Variants in CLEC2A observed in about 807,000 individuals in gnomAD.
CLEC2A encodes the protein keratinocyte-associated C-type lectin.
CLEC2A carries 19 observed loss-of-function variants against 18.6 expected under a neutral mutation model. That is an observed-to-expected ratio of 1.02 (90% CI 0.71 to 1.50). The LOEUF (loss-of-function observed/expected upper bound fraction) is 1.50, where lower values mean the gene tolerates loss of function less well. Ranked by LOEUF, CLEC2A falls within the 40% of genes most tolerant of loss-of-function variation. The pLI is 0.00. For missense variants in CLEC2A, 190 were observed against 207.9 expected, an observed-to-expected ratio of 0.91 and a Z score of 0.53; for synonymous variants, 74 against 64.0, an observed-to-expected ratio of 1.16 and a Z score of -0.75.
At chr12:9,904,841 T>A (rs1862884401) in intron 4 of CLEC2A, among the ~76,000 whole-genome samples, 1 of 152,190 alleles carries the variant, frequency 6.6e-6, no homozygotes, top group Non-Finnish European at 1.5e-5. Flanking sequence ...TCCTTGCAAC[T>A]ACTTTGAAAA....
Position 9,922,215 on chromosome 12 carries a change from C to T in CLEC2A, c.157G>A (p.Ala53Thr). The T allele has an allele frequency of 1.3e-6, 2 of 1,535,462 alleles. No homozygotes were observed. The highest frequency in any genetic ancestry group is 1.3e-5 in the South Asian group (1 of 79,698). ...TCCCCTGAACATGCCACAGGTTTAG[C>T]ATGCTTGGACCATGTGGCTGAAAAA... ...IIMIATWSKH[A>T]KPVACSGDWL... The change falls in exon 3 of 5, where the codon GCT becomes ACT. Residue 53 changes from alanine (A) to threonine (T), a missense_variant. Ala to Thr is a moderately conservative substitution (Grantham distance 58). Transcript: ENST00000455827.
At chr12:9,885,346 T>C in the CLEC2A span, among the ~76,000 whole-genome samples, 1 of 151,712 alleles carries the variant, frequency 6.6e-6, no homozygotes, top group East Asian at 1.9e-4. Flanking sequence ...TATATATATA[T>C]ATATTAAGAC....
downstream of CLEC2A, among the ~76,000 whole-genome samples, chr12:9,912,179 G>C (rs1014082959): frequency 6.6e-6 from 1 of 152,208 alleles, no homozygotes; most frequent in African/African-American, 2.4e-5. Context: ...TTATTCTTAT[G>C]AAAGTGGATG....
chr12:9,888,309 T>G, the CLEC2A span, among the ~76,000 whole-genome samples: 1 of 151,312 alleles, frequency 6.6e-6, no homozygotes, highest in Non-Finnish European at 1.5e-5. Flanking sequence ...GCTAATATCA[T>G]GAAACCCCAT....
At chr12:9,885,850 A>G in the CLEC2A span, among the ~76,000 whole-genome samples, 1 of 152,074 alleles carries the variant, frequency 6.6e-6, no homozygotes, top group Non-Finnish European at 1.5e-5. Flanking sequence ...TTAAACGACT[A>G]TTTTTAGTCG....
intron 1 of CLEC2A, among the ~76,000 whole-genome samples, chr12:9,930,617 T>C (rs955327107): frequency 1.3e-5 from 2 of 152,056 alleles, no homozygotes; most frequent in Non-Finnish European, 2.9e-5. Context: ...GCCAGATGCA[T>C]GTTTTTTTCT....
chr12:9,928,285 G>A (rs1231809327), intron 1 of CLEC2A, among the ~76,000 whole-genome samples: 2 of 152,140 alleles, frequency 1.3e-5, no homozygotes, highest in Non-Finnish European at 2.9e-5. Context: ...GGCCAACATG[G>A]TGAGACCCCT....
intron 2 of CLEC2A, among the ~76,000 whole-genome samples, chr12:9,923,335 C>T (rs1220607999): frequency 6.6e-6 from 1 of 152,214 alleles, no homozygotes; most frequent in Non-Finnish European, 1.5e-5. Context: ...AAACGCTCAT[C>T]ATCACTGGCC....
At chr12:9,898,811 A>G in exon 5 of CLEC2A, 2 of 622,964 alleles carry the variant, frequency 3.2e-6, no homozygotes, top group South Asian at 3.6e-5. Context: ...AACTGCCGTT[A>G]TATTAAGGAT....
downstream of CLEC2A, among the ~76,000 whole-genome samples, chr12:9,898,347 A>G (rs994032539): frequency 6.6e-6 from 1 of 152,206 alleles, no homozygotes; most frequent in African/African-American, 2.4e-5. Flanking sequence ...GAAACTCATC[A>G]GATCACCACA....
downstream of CLEC2A, chr12:9,895,698 G>A (rs950059783): frequency 6.5e-7 from 1 of 1,531,760 alleles, no homozygotes; most frequent in African/African-American, 1.4e-5. Context: ...GGTTTTCAGT[G>A]ATTGGACCAA....
intron 1 of CLEC2A, among the ~76,000 whole-genome samples, chr12:9,928,360 G>T (rs73247994): frequency 6.6e-6 from 1 of 152,068 alleles, no homozygotes. Flanking sequence ...CCAGCTACTC[G>T]GGAGGTTGAG....
At chr12:9,882,823 C>T in the CLEC2A span, among the ~76,000 whole-genome samples, 3 of 152,082 alleles carry the variant, frequency 2.0e-5, no homozygotes, top group Admixed American at 6.6e-5. Flanking sequence ...AGCCCACAGA[C>T]TAAATGTATG....
At chr12:9,920,965 C>T (rs1295481862) in intron 3 of CLEC2A, among the ~76,000 whole-genome samples, 1 of 152,138 alleles carries the variant, frequency 6.6e-6, no homozygotes, top group Non-Finnish European at 1.5e-5. Context: ...TTAACGAAGA[C>T]ATTTAGATAC....
intron 1 of CLEC2A, among the ~76,000 whole-genome samples, chr12:9,929,924 G>A (rs879824819): frequency 6.6e-6 from 1 of 151,188 alleles, no homozygotes; most frequent in African/African-American, 2.4e-5. Flanking sequence ...TTACATTTTG[G>A]CATTTTATAT....
chr12:9,891,429 T>C, the CLEC2A span, among the ~76,000 whole-genome samples: 1 of 152,216 alleles, frequency 6.6e-6, no homozygotes, highest in Non-Finnish European at 1.5e-5. Context: ...GCTACACTCA[T>C]CATTTGGAGT....
At chr12:9,931,568 C>G (rs928050537) in intron 1 of CLEC2A, among the ~76,000 whole-genome samples, 2 of 152,124 alleles carry the variant, frequency 1.3e-5, no homozygotes, top group Non-Finnish European at 2.9e-5. Context: ...TTAAGAGTAT[C>G]AGGCTTACTT....
chr12:9,908,562 C>T (rs547660320), downstream of CLEC2A, among the ~76,000 whole-genome samples: 45 of 152,182 alleles, frequency 3.0e-4, no homozygotes, highest in African/African-American at 1.1e-3. Context: ...ATTTGGGTCC[C>T]ACCTCTAAGT....
the CLEC2A span, among the ~76,000 whole-genome samples, chr12:9,886,361 A>G: frequency 3.3e-5 from 5 of 152,206 alleles, no homozygotes; most frequent in Non-Finnish European, 5.9e-5. Flanking sequence ...ATAACAAAAT[A>G]GAGTAAATTA....
Sources: allele counts gnomAD v4.1 joint callset (sites outside exome capture counted in the v4.1 genomes callset), GRCh38; gene constraint gnomAD v4.1.1; transcripts MANE v1.5; gene names NCBI Gene and HGNC (gene_info 2026-07-23, HGNC 2026-07-21).